Variants in PCCB observed in about 807,000 individuals in gnomAD.
The protein encoded by PCCB is propionyl-CoA carboxylase subunit beta, also known as propionyl-CoA carboxylase beta chain, mitochondrial.
A neutral mutation model predicts 60.7 loss-of-function variants in PCCB; 43 were observed. The ratio of observed to expected loss-of-function variants is 0.71; its 90% CI spans 0.55 to 0.91. The LOEUF is 0.91. Among genes scored for constraint, PCCB ranks in the 40% least tolerant of loss-of-function variants. The probability of loss-of-function intolerance (pLI) is 0.00; values close to 1 mark genes in which losing one functional copy is unlikely to be tolerated. For synonymous variants in PCCB, 276 were observed against 255.9 expected, an observed-to-expected ratio of 1.08 and a Z score of -0.75; for missense variants, 766 against 702.8, an observed-to-expected ratio of 1.09 and a Z score of -1.02.
At position 136,317,212 on chromosome 3, in the gene PCCB, A is replaced by ATTTT. The variant is rs397694948; in HGVS notation, c.1090+175_1090+178dup. On this transcript the variant is annotated intron_variant, in intron 10 of 14. Coordinates refer to ENST00000251654, the MANE Select transcript of PCCB (RefSeq NM_000532.5). ...ATCTAAATGGTTGTTATAAAAGCTA[A>ATTTT]TTTTTTTTTTTTTTTTTTTTTTTTT... The ATTTT allele has an allele frequency of 0.095, 23,800 of 250,646 alleles. 2,783 individuals are homozygous for ATTTT. The highest frequency in any genetic ancestry group is 0.22 in the East Asian group (1,174 of 5,380). 15.5% of individuals were successfully genotyped at this position (250,646 alleles called of 1,614,324 possible). A position where few individuals can be genotyped will look rare whatever the true frequency, so the allele number is the denominator to read the frequency against.
intron 7 of PCCB, among the ~76,000 whole-genome samples, chr3:136,296,638 T>C (rs547270906): frequency 1.3e-5 from 2 of 152,226 alleles, no homozygotes; most frequent in Non-Finnish European, 2.9e-5. Context: ...AAATGATAAC[T>C]CGATGTTTAA....
At chr3:136,294,177 GA>G (rs1437524609) in intron 7 of PCCB, among the ~76,000 whole-genome samples, 2 of 151,878 alleles carry the variant, frequency 1.3e-5, no homozygotes, top group East Asian at 1.9e-4. Flanking sequence ...TTGAACCTTT[GA>G]AAAAAAATTT....
intron 5 of PCCB, among the ~76,000 whole-genome samples, chr3:136,276,386 G>C (rs1261971381): frequency 6.6e-6 from 1 of 152,146 alleles, no homozygotes; most frequent in African/African-American, 2.4e-5. Context: ...TTATCAAGGG[G>C]AAGGGTGGGA....
intron 1 of PCCB, among the ~76,000 whole-genome samples, chr3:136,253,664 A>AT (rs35923895): frequency 0.013 from 1,570 of 123,434 alleles, 26 homozygotes; most frequent in African/African-American, 0.031. Flanking sequence ...GGATGACAGA[A>AT]TTTTTTTTTT....
At chr3:136,288,758 C>G (rs1259762709) in intron 6 of PCCB, among the ~76,000 whole-genome samples, 2 of 152,098 alleles carry the variant, frequency 1.3e-5, no homozygotes, top group Non-Finnish European at 2.9e-5. Context: ...TCCTGTGTAG[C>G]TGGGATTACA....
intron 5 of PCCB, among the ~76,000 whole-genome samples, chr3:136,281,155 T>C (rs1425046579): frequency 6.6e-6 from 1 of 152,060 alleles, no homozygotes; most frequent in African/African-American, 2.4e-5. Flanking sequence ...CTTGGGTATG[T>C]ATACTTATGT....
In PCCB at chr3:136,265,723, G is replaced by C. The variant is rs528062303; in HGVS notation, c.543+3658G>C. Among the ~76,000 whole-genome samples the C allele has an allele frequency of 3.3e-5, 5 of 152,240 alleles. No individual in the cohort carries two copies. In the East Asian group the frequency reaches 9.6e-4, roughly 29 times the overall value. On this transcript the variant is annotated intron_variant, in intron 5 of 14. Transcript: ENST00000251654. Reference sequence around the variant, plus strand: ...TTTATAACTTTTTAAGAAATTGCCAGATGGTTTTCCAAAACAACTAAACCA... The same window carrying C: ...TTTATAACTTTTTAAGAAATTGCCACATGGTTTTCCAAAACAACTAAACCA...
chr3:136,250,899 C>T (rs991976681), intron 1 of PCCB, among the ~76,000 whole-genome samples: 6 of 152,134 alleles, frequency 3.9e-5, no homozygotes, highest in Non-Finnish European at 5.9e-5. Context: ...ATCGTTAGAC[C>T]ATAGATAGCA....
Position 136,306,111 on chromosome 3 carries a change from G to A in PCCB, c.966+5000G>A, listed in dbSNP as rs910320700. ...TTTTTGTTCATTTGTTCATCTGCCA[G>A]CTTTGGAGAATGCAGATACAAATAG... On this transcript the variant is annotated intron_variant, in intron 9 of 14. Transcript: ENST00000251654. 2.4e-5 allele frequency among the ~76,000 whole-genome samples: 3 copies of A among 122,762 alleles called. 1 individual carries two copies. The allele number at this position is 122,762 out of a possible 152,430, so 80.5% of individuals were successfully genotyped here.
chr3:136,323,680 G>A lies in PCCB; in HGVS notation c.1091-3123G>A, dbSNP rs145174013. 1.2e-3 allele frequency among the ~76,000 whole-genome samples: 190 copies of A among 152,046 alleles called. 1 individual carries two copies. The highest frequency in any genetic ancestry group is 4.1e-3 in the African/African-American group (172 of 41,486). The stretch of plus-strand genomic sequence containing the variant: ...GGTGCCTGTAGTCCCAGCTACTTAC[G>A]AGGCCGAGGCAGGAGAATCACATGA... On this transcript the variant is annotated intron_variant, in intron 10 of 14. Coordinates refer to ENST00000251654, the MANE Select transcript of PCCB (RefSeq NM_000532.5).
chr3:136,324,485 C>T (rs1003235392), intron 10 of PCCB, among the ~76,000 whole-genome samples: 3 of 151,954 alleles, frequency 2.0e-5, no homozygotes, highest in African/African-American at 7.3e-5. Context: ...TCTTATTTCC[C>T]CTCTCAGATC....
chr3:136,299,706 GTATGCATGTGTATGTATGTA>G (rs1934138379), intron 8 of PCCB, among the ~76,000 whole-genome samples: 1 of 139,222 alleles, frequency 7.2e-6, no homozygotes, highest in Admixed American at 7.2e-5. Flanking sequence ...GTATGTATAG[GTATGCATGTGTATGTATGTA>G]TATGCATGTG....
intron 7 of PCCB, among the ~76,000 whole-genome samples, chr3:136,294,243 A>T: frequency 6.6e-6 from 1 of 152,194 alleles, no homozygotes; most frequent in East Asian, 1.9e-4. Context: ...AGAGTACATA[A>T]GTGTTTTCCA....
rs1274813281 is a variant in PCCB at position 136,268,107 on chromosome 3, T to TAC, written c.543+6043_543+6044insCA. Among the ~76,000 whole-genome samples, 10 of 121,544 alleles carry TAC rather than the reference T, an allele frequency of 8.2e-5. 1 individual carries two copies. The highest frequency in any genetic ancestry group is 2.5e-4 in the African/African-American group (8 of 31,588). The allele number at this position is 121,544 out of a possible 152,430, so 79.7% of individuals were successfully genotyped here. ...GTGTAGATATATATATATATATATA[T>TAC]ATATATATATATATGTATATATATA... On this transcript the variant is annotated intron_variant, in intron 5 of 14. Transcript: ENST00000251654.
rs1270845236 is a variant in PCCB, at chr3:136,327,682, G to A, written c.1348G>A (p.Asp450Asn). 8.7e-6 allele frequency: 14 copies of A among 1,613,960 alleles called. No homozygotes were observed. Among genetic ancestry groups the A allele is most frequent in the African/African-American group, 1.3e-5 (1 of 74,910 alleles). Residue 450 changes from aspartate (D) to asparagine (N), a missense_variant, in exon 13 of 15, where the codon GAT becomes AAT. Transcript: ENST00000251654. ...CATGAGCTCTAAGCACCTTTGTGGT[G>A]ATACCAACTATGCCTGGCCCACCGC... The part of the protein sequence containing the change: ...DVMSSKHLCG[D>N]TNYAWPTAEI...
At chr3:136,267,118 C>A (rs531743831) in intron 5 of PCCB, among the ~76,000 whole-genome samples, 7 of 152,038 alleles carry the variant, frequency 4.6e-5, no homozygotes, top group Non-Finnish European at 8.8e-5. Flanking sequence ...CTCCTGAGCT[C>A]AGGTGATCTG....
chr3:136,290,672 T>TTTTTTTTTTG (rs1933641289), intron 6 of PCCB, among the ~76,000 whole-genome samples: 1 of 33,556 alleles, frequency 3.0e-5, no homozygotes, highest in South Asian at 9.2e-4. Flanking sequence ...CTCTGTGTAG[T>TTTTTTTTTTG]TTTTTTTTTT....
At chr3:136,295,804 T>C (rs910300562) in intron 7 of PCCB, among the ~76,000 whole-genome samples, 5 of 152,050 alleles carry the variant, frequency 3.3e-5, no homozygotes, top group Non-Finnish European at 5.9e-5. Flanking sequence ...TACTCAAACA[T>C]AGGTATGGAC....
At chr3:136,284,317 T>TGTTTCACCTTTATTTCTTCA (rs67922183) in intron 6 of PCCB, among the ~76,000 whole-genome samples, 1 of 151,574 alleles carries the variant, frequency 6.6e-6, no homozygotes, top group East Asian at 1.9e-4. Flanking sequence ...AGTTGTTTCT[T>TGTTTCACCTTTATTTCTTCA]CCTTTATTTC....
Sources: allele counts gnomAD v4.1 joint callset (sites outside exome capture counted in the v4.1 genomes callset), GRCh38; gene constraint gnomAD v4.1.1; transcripts MANE v1.5; gene names NCBI Gene and HGNC (gene_info 2026-07-23, HGNC 2026-07-21).